The following HSD17B12 variants were observed in gnomAD, a reference collection of about 807,000 sequenced individuals.
HSD17B12 encodes the protein very-long-chain 3-oxoacyl-CoA reductase.
Under a neutral mutation model 39.3 loss-of-function variants are expected in HSD17B12, and 32 were observed. The observed-to-expected ratio is 0.81, with a 90% CI of 0.61 to 1.09. The LOEUF (loss-of-function observed/expected upper bound fraction) is 1.09. Ranked by LOEUF, HSD17B12 falls within the 50% of genes least tolerant of loss-of-function variation. The pLI is 0.00. For missense variants in HSD17B12, 342 were observed against 382.9 expected, an observed-to-expected ratio of 0.89 and a Z score of 0.89; for synonymous variants, 150 against 146.7, an observed-to-expected ratio of 1.02 and a Z score of -0.16.
chr11:43,638,887 G>C, the HSD17B12 span, among the ~76,000 whole-genome samples: 1 of 152,098 alleles, frequency 6.6e-6, no homozygotes, highest in East Asian at 1.9e-4. Context: ...ACAGTTTCCC[G>C]AGACAGGGTT....
Position 43,754,127 on chromosome 11 carries a change from T to A in HSD17B12, c.283+6T>A. ...CCAGGTTTCCAGTGAAATAAGTAAG[T>A]TCTCACATCAAACAAAAGGAATACA... On this transcript the variant is annotated splice_donor_region_variant and intron_variant, in intron 3 of 10. Coordinates refer to ENST00000278353, the MANE Select transcript of HSD17B12 (RefSeq NM_016142.3). The A allele has an allele frequency of 6.3e-7, 1 of 1,591,868 alleles. No individual in the cohort carries two copies. The highest frequency in any genetic ancestry group is 8.6e-7 in the Non-Finnish European group (1 of 1,161,028).
the HSD17B12 span, among the ~76,000 whole-genome samples, chr11:43,634,619 C>T: frequency 2.0e-5 from 3 of 152,176 alleles, no homozygotes; most frequent in African/African-American, 7.2e-5. Context: ...CTTTGCTCCC[C>T]ATGCACACTG....
intron 1 of HSD17B12, among the ~76,000 whole-genome samples, chr11:43,721,348 G>A (rs1217292284): frequency 6.6e-6 from 1 of 152,042 alleles, no homozygotes; most frequent in African/African-American, 2.4e-5. Flanking sequence ...GCTGAGCCTC[G>A]TGGCTGATGC....
chr11:43,823,413 G>T (rs1951201949), intron 6 of HSD17B12, among the ~76,000 whole-genome samples: 1 of 151,862 alleles, frequency 6.6e-6, no homozygotes, highest in African/African-American at 2.4e-5. Context: ...TAGGACTACA[G>T]GCATGCACCA....
At chr11:43,655,724 T>C in the HSD17B12 span, among the ~76,000 whole-genome samples, 174 of 152,342 alleles carry the variant, frequency 1.1e-3, no homozygotes, top group Admixed American at 1.4e-3. Context: ...TTTTCGTATG[T>C]TGAACCAGCC....
chr11:43,714,257 G>A (rs1018433149), intron 1 of HSD17B12, among the ~76,000 whole-genome samples: 2 of 152,152 alleles, frequency 1.3e-5, no homozygotes, highest in Non-Finnish European at 2.9e-5. Context: ...ATAGTTTTAG[G>A]TCTAACATTT....
intron 1 of HSD17B12, among the ~76,000 whole-genome samples, chr11:43,714,788 C>T (rs1051305367): frequency 6.6e-6 from 1 of 152,160 alleles, no homozygotes; most frequent in Non-Finnish European, 1.5e-5. Flanking sequence ...TTTGTATCCT[C>T]TTTTATTTCG....
chr11:43,750,650 A>G (rs1445211527), intron 1 of HSD17B12, among the ~76,000 whole-genome samples: 1 of 152,220 alleles, frequency 6.6e-6, no homozygotes, highest in Non-Finnish European at 1.5e-5. Context: ...TTCCAAAATA[A>G]TTGTACCAAT....
the HSD17B12 span, among the ~76,000 whole-genome samples, chr11:43,626,466 C>T: frequency 6.6e-6 from 1 of 151,610 alleles, no homozygotes; most frequent in African/African-American, 2.4e-5. Context: ...CTTGAAAATG[C>T]CAATAAAAAT....
intron 8 of HSD17B12, 107 bp from the exon 9 acceptor site, chr11:43,839,892 G>A: frequency 1.1e-6 from 1 of 923,560 alleles, no homozygotes; most frequent in South Asian, 1.5e-5. Context: ...AAAATGATGA[G>A]AAATTATAGC....
At chr11:43,577,466 G>A in the HSD17B12 span, among the ~76,000 whole-genome samples, 2 of 152,204 alleles carry the variant, frequency 1.3e-5, no homozygotes, top group Non-Finnish European at 2.9e-5. Context: ...TTTCCCTGCA[G>A]AGGCCAGGCA....
chr11:43,645,720 T>G, the HSD17B12 span: 1 of 152,386 alleles, frequency 6.6e-6, no homozygotes, highest in Admixed American at 6.5e-5. Flanking sequence ...GGCTCACGCC[T>G]GTAATCCCAA....
chr11:43,661,860 TAGAA>T, the HSD17B12 span, among the ~76,000 whole-genome samples: 18 of 152,192 alleles, frequency 1.2e-4, no homozygotes, highest in Non-Finnish European at 2.2e-4. Flanking sequence ...CTACTTTAAA[TAGAA>T]AGGTAGAATA....
chr11:43,677,544 A>G (rs1949702493), upstream of HSD17B12, among the ~76,000 whole-genome samples: 1 of 152,166 alleles, frequency 6.6e-6, no homozygotes, highest in Non-Finnish European at 1.5e-5. Flanking sequence ...TGCACCCACT[A>G]ACTCGTCATT....
chr11:43,813,920 T>G (rs567536630), intron 4 of HSD17B12, among the ~76,000 whole-genome samples: 2 of 152,310 alleles, frequency 1.3e-5, no homozygotes, highest in South Asian at 4.1e-4. Flanking sequence ...ACTTACAGCC[T>G]CAAGTGATTG....
At chr11:43,649,641 G>A in the HSD17B12 span, among the ~76,000 whole-genome samples, 24 of 152,284 alleles carry the variant, frequency 1.6e-4, no homozygotes, top group Admixed American at 1.5e-3. Context: ...TGTGTCTCCC[G>A]GTTTTACATA....
chr11:43,583,519 C>G, the HSD17B12 span, among the ~76,000 whole-genome samples: 2 of 152,122 alleles, frequency 1.3e-5, no homozygotes, highest in Non-Finnish European at 2.9e-5. Flanking sequence ...AAGGAAGAGA[C>G]CCCTTCCCCC....
the HSD17B12 span, among the ~76,000 whole-genome samples, chr11:43,622,294 C>T: frequency 2.6e-5 from 4 of 152,210 alleles, no homozygotes; most frequent in South Asian, 6.2e-4. Flanking sequence ...ACTTCCTAGA[C>T]ACTCTGTGGC....
intron 1 of HSD17B12, chr11:43,719,067 A>T: frequency 2.5e-6 from 2 of 795,668 alleles, no homozygotes; most frequent in South Asian, 1.3e-5. Flanking sequence ...ATTCAGCCTG[A>T]TGGAGAGAAG....
Sources: gnomAD v4.1 joint callset for allele counts (sites outside exome capture counted in the v4.1 genomes callset) on GRCh38, gnomAD v4.1.1 for gene constraint, MANE v1.5 for transcripts, NCBI Gene and HGNC (gene_info 2026-07-23, HGNC 2026-07-21) for gene names.